The following INPP5D variants were observed in gnomAD, a reference collection of about 807,000 sequenced individuals.
The protein encoded by INPP5D is phosphatidylinositol 3,4,5-trisphosphate 5-phosphatase 1.
INPP5D carries 33 observed loss-of-function variants against 122.9 expected under a neutral mutation model. The ratio of observed to expected loss-of-function variants is 0.27; its 90% CI spans 0.20 to 0.36. The LOEUF (loss-of-function observed/expected upper bound fraction) is 0.36, where lower values mean the gene tolerates loss of function less well. Among genes scored for constraint, INPP5D ranks in the 10% least tolerant of loss-of-function variants. The probability of loss-of-function intolerance (pLI) is 1.00; values close to 1 mark genes in which losing one functional copy is unlikely to be tolerated. For synonymous variants in INPP5D, 584 were observed against 576.2 expected, an observed-to-expected ratio of 1.01 and a Z score of -0.19; for missense variants, 1,053 against 1,412.7, an observed-to-expected ratio of 0.75 and a Z score of 4.08.
chr2:233,147,658 G>C, intron 9 of INPP5D, 64 bp downstream of exon 9: 1 of 692,558 alleles, frequency 1.4e-6, no homozygotes, highest in East Asian at 2.7e-5. Context: ...TGCCCTCTCA[G>C]CTCACCTCTC....
chr2:233,204,978 A>G (rs909761465), intron 26 of INPP5D: 5 of 471,802 alleles, frequency 1.1e-5, no homozygotes, highest in South Asian at 4.4e-5. Flanking sequence ...CAGTTGTTAA[A>G]AGGAAGAAAG....
chr2:233,075,051 A>G (rs1482126541), intron 1 of INPP5D, among the ~76,000 whole-genome samples: 2 of 152,194 alleles, frequency 1.3e-5, no homozygotes, highest in African/African-American at 4.8e-5. Context: ...GACCTGGTCC[A>G]GAAATGCTCT....
rs556437547 is a variant in INPP5D, at chr2:233,183,918, A to T, written c.2162-490A>T. ...GCAAAAGCATCGTCTAAATTAATACAGTTGCAGGCAAGTTAACTCTGTACA... is the reference window on the plus strand; with the variant it reads ...GCAAAAGCATCGTCTAAATTAATACTGTTGCAGGCAAGTTAACTCTGTACA... On this transcript the variant is annotated intron_variant, in intron 19 of 26. Transcript: ENST00000445964. The surrounding 1 kb of genome is among the most constrained non-coding windows in gnomAD (Gnocchi z 4.6). Among the ~76,000 whole-genome samples the T allele has an allele frequency of 6.4e-4, 98 of 152,324 alleles. No homozygotes were observed. The highest frequency in any genetic ancestry group is 2.3e-3 in the African/African-American group (95 of 41,572).
At chr2:233,162,466 AATATACTAAAT>A (rs1233635059) in intron 11 of INPP5D, among the ~76,000 whole-genome samples, 1 of 149,198 alleles carries the variant, frequency 6.7e-6, no homozygotes. Context: ...TACAGCTAAT[AATATACTAAAT>A]ATATGCTAAA....
chr2:233,091,057 C>T (rs189029492), intron 2 of INPP5D, among the ~76,000 whole-genome samples: 7 of 152,258 alleles, frequency 4.6e-5, no homozygotes, highest in Admixed American at 1.3e-4. Flanking sequence ...TCTCCCCTGA[C>T]GAAGGTGCTG....
At position 233,177,328 on chromosome 2, in the gene INPP5D, G is replaced by A. The variant is rs746416740; in HGVS notation, c.2053G>A (p.Val685Met). ...CTGGAAGTCTTATCCCCTGGTGCAC[G>A]TGGTGTGTCAGTCTTATGGTGAGTT... ...VLWKSYPLVH[V>M]VCQSYGSTSD... Residue 685 changes from valine (V) to methionine (M), a missense_variant, in exon 18 of 27, where the codon GTG (valine) becomes ATG (methionine). Val to Met is a conservative substitution (Grantham distance 21). Around this residue, in one of 6 missense-constraint regions of INPP5D, gnomAD observed 258 missense variants for 439.1 expected, o/e 0.59. Transcript: ENST00000445964. This position sits in a 1 kb window ranked among gnomAD's most constrained non-coding sequence, Gnocchi z 4.2. The A allele has an allele frequency of 7.4e-6, 12 of 1,613,788 alleles. No individual in the cohort carries two copies. The highest frequency in any genetic ancestry group is 1.6e-4 in the Middle Eastern group (1 of 6,082).
At chr2:233,101,546 A>G (rs1479210118) in intron 2 of INPP5D, among the ~76,000 whole-genome samples, 2 of 147,398 alleles carry the variant, frequency 1.4e-5, no homozygotes, top group East Asian at 3.9e-4. Flanking sequence ...CATATATTAT[A>G]TTATAATTAA....
chr2:233,158,204 C>G, intron 9 of INPP5D, 109 bp from the exon 10 acceptor site: 1 of 601,192 alleles, frequency 1.7e-6, no homozygotes, highest in Non-Finnish European at 3.0e-6. Context: ...AAACTCGGGG[C>G]TCAGCTTGGG....
At chr2:233,172,935 G>A (rs1366755742) in intron 17 of INPP5D, among the ~76,000 whole-genome samples, 1 of 152,214 alleles carries the variant, frequency 6.6e-6, no homozygotes, top group Non-Finnish European at 1.5e-5. Flanking sequence ...TGGGCTGGGG[G>A]CAGCGGCTCA....
At chr2:233,086,705 T>G (rs1691861526) in intron 2 of INPP5D, among the ~76,000 whole-genome samples, 1 of 152,216 alleles carries the variant, frequency 6.6e-6, no homozygotes, top group Non-Finnish European at 1.5e-5. Flanking sequence ...ATTAATTTCT[T>G]TTTGCTCAAG....
At chr2:233,114,392 G>A (rs980225512) in intron 2 of INPP5D, among the ~76,000 whole-genome samples, 12 of 152,234 alleles carry the variant, frequency 7.9e-5, no homozygotes, top group Non-Finnish European at 1.3e-4. Flanking sequence ...AGAAGTACAG[G>A]AAAGCATTTC....
chr2:233,060,719 C>A, intron 1 of INPP5D, 107 bp downstream of exon 1: 1 of 1,393,854 alleles, frequency 7.2e-7, no homozygotes. Flanking sequence ...AGTGATCTGA[C>A]ATGCACACTT....
At position 233,195,502 on chromosome 2, in the gene INPP5D, T is replaced by G. The variant is rs138927203; in HGVS notation, c.2693+7T>G. 2 of 1,552,520 alleles carry G rather than the reference T, an allele frequency of 1.3e-6. No individual in the cohort carries two copies. Among genetic ancestry groups the G allele is most frequent in the East Asian group, 2.5e-5 (1 of 39,918 alleles). On this transcript the variant is annotated splice_region_variant and intron_variant, in intron 24 of 26. Coordinates refer to ENST00000445964, the MANE Select transcript of INPP5D (RefSeq NM_001017915.3). ...AGTGGGAAGTCACTAGCAGGTAAAG[T>G]GGGCGTGGGGTGGGTGTTGGGGGGG...
chr2:233,153,169 C>T (rs1232466267), intron 9 of INPP5D, among the ~76,000 whole-genome samples: 1 of 152,096 alleles, frequency 6.6e-6, no homozygotes, highest in Non-Finnish European at 1.5e-5. Flanking sequence ...GAATAATAAC[C>T]CTGATCAAAC....
rs1033870980 is a variant in INPP5D, at chr2:233,183,345, G to A, written c.2161+846G>A. ...GTCCTTCATGCCCTGGGGGACACAC[G>A]TGAGGCCGAAGCACTGTCTTCCTGG... On this transcript the variant is annotated intron_variant, in intron 19 of 26. Transcript: ENST00000445964. This position sits in a 1 kb window ranked among gnomAD's most constrained non-coding sequence, Gnocchi z 4.6. Among the ~76,000 whole-genome samples the A allele has an allele frequency of 3.3e-5, 5 of 152,174 alleles. No individual in the cohort carries two copies. Among genetic ancestry groups the A allele is most frequent in the East Asian group, 3.9e-4 (2 of 5,194 alleles).
intron 5 of INPP5D, among the ~76,000 whole-genome samples, chr2:233,131,546 A>AG (rs1360305791): frequency 2.0e-5 from 3 of 152,072 alleles, no homozygotes; most frequent in Non-Finnish European, 4.4e-5. Flanking sequence ...AAAAAAAAAA[A>AG]AAAATTAGCT....
At chr2:233,139,712 C>T in intron 5 of INPP5D, 130 bp from the exon 6 acceptor site, 1 of 391,978 alleles carries the variant, frequency 2.6e-6, no homozygotes, top group Non-Finnish European at 4.5e-6. Flanking sequence ...CGGGCTTGTC[C>T]TTCTGGGGAG....
chr2:233,075,024 C>T (rs1022421178), intron 1 of INPP5D, among the ~76,000 whole-genome samples: 3 of 152,000 alleles, frequency 2.0e-5, no homozygotes, highest in Non-Finnish European at 2.9e-5. Flanking sequence ...TAGAACTTCT[C>T]GTACTACATC....
intron 1 of INPP5D, among the ~76,000 whole-genome samples, chr2:233,076,109 C>T (rs1483111713): frequency 6.6e-6 from 1 of 152,234 alleles, no homozygotes; most frequent in Non-Finnish European, 1.5e-5. Flanking sequence ...TCTCTGTCTA[C>T]AGGCTGATGT....
Sources: gnomAD v4.1 joint callset for allele counts (sites outside exome capture counted in the v4.1 genomes callset) on GRCh38, gnomAD v4.1.1 for gene constraint, gnomAD v4.1.1 regional missense constraint, Gnocchi (gnomAD v3.1) non-coding constraint, MANE v1.5 for transcripts, NCBI Gene and HGNC (gene_info 2026-07-23, HGNC 2026-07-21) for gene names.